The following MYNN variants were observed in gnomAD, a reference collection of about 807,000 sequenced individuals.
MYNN encodes myoneurin, also known as zinc finger and BTB domain-containing protein 31.
Under a neutral mutation model 57.2 loss-of-function variants are expected in MYNN, and 22 were observed. The observed-to-expected ratio is 0.38, with a 90% CI of 0.27 to 0.55. The LOEUF (loss-of-function observed/expected upper bound fraction) is 0.55. Ranked by LOEUF, MYNN falls within the 20% of genes least tolerant of loss-of-function variation. The pLI, the probability that MYNN is intolerant of heterozygous loss-of-function variation, is 0.71. For missense variants in MYNN, 566 were observed against 723.1 expected, an observed-to-expected ratio of 0.78 and a Z score of 2.49; for synonymous variants, 241 against 257.1, an observed-to-expected ratio of 0.94 and a Z score of 0.60.
chr3:169,774,188 T>C, intron 1 of MYNN, 77 bp from the exon 2 acceptor site: 4 of 1,116,744 alleles, frequency 3.6e-6, no homozygotes, highest in Non-Finnish European at 5.2e-6. Context: ...GTTTAAGTTA[T>C]GTCCTCTGTC....
intron 2 of MYNN, among the ~76,000 whole-genome samples, chr3:169,775,423 C>T (rs1778305362): frequency 6.6e-6 from 1 of 152,130 alleles, no homozygotes; most frequent in African/African-American, 2.4e-5. Context: ...TGAAAGTGAA[C>T]ATGAATAGAC....
chr3:169,779,662 G>T (rs1778453145), intron 3 of MYNN, 101 bp downstream of exon 3: 1 of 1,221,384 alleles, frequency 8.2e-7, no homozygotes. Context: ...CCAGAATTTG[G>T]TATATTTTTC....
chr3:169,780,554 ATTTTC>A, intron 3 of MYNN, 31 bp from the exon 4 acceptor site: 3 of 1,504,302 alleles, frequency 2.0e-6, no homozygotes, highest in Non-Finnish European at 2.7e-6. Flanking sequence ...CCAAAACACT[ATTTTC>A]TTCTAAATAT....
Position 169,779,210 on chromosome 3 carries a change from T to C in MYNN, c.709T>C (p.Leu237=), listed in dbSNP as rs751743503. Residue 237 remains leucine, a synonymous_variant, in exon 3 of 8, where the codon TTG becomes CTG. Coordinates refer to ENST00000349841, the MANE Select transcript of MYNN (RefSeq NM_018657.5). The part of the protein sequence containing the change: ...AQINDNSELE[L]TSVVENTFPA... ...AATAAATGATAATTCAGAACTCGAGTTGACATCAGTTGTGGAAAATACTTT... is the reference window on the plus strand; with the variant it reads ...AATAAATGATAATTCAGAACTCGAGCTGACATCAGTTGTGGAAAATACTTT... 9 of 1,614,034 alleles carry C rather than the reference T, an allele frequency of 5.6e-6. No homozygotes were observed. In the African/African-American group the frequency reaches 1.2e-4, roughly 22 times the overall value.
chr3:169,774,347 C>A lies in MYNN; in HGVS notation c.52C>A (p.Arg18=), dbSNP rs1223054406. Residue 18 remains arginine, a synonymous_variant, in exon 2 of 8, where the codon CGG becomes AGG. Coordinates refer to ENST00000349841, the MANE Select transcript of MYNN (RefSeq NM_018657.5). The part of the protein sequence containing the change: ...EHLLERLNKQ[R]EAGFLCDCTI... ...CCTTTTAGAGAGACTGAACAAACAGCGGGAAGCAGGTTTTCTCTGTGACTG... is the reference window on the plus strand; with the variant it reads ...CCTTTTAGAGAGACTGAACAAACAGAGGGAAGCAGGTTTTCTCTGTGACTG... 1.9e-6 allele frequency: 3 copies of A among 1,613,978 alleles called. No individual in the cohort carries two copies. Among genetic ancestry groups the A allele is most frequent in the Non-Finnish European group, 2.5e-6 (3 of 1,179,890 alleles).
In MYNN at chr3:169,774,464, T is replaced by C; in HGVS notation, c.169T>C (p.Ser57Pro). The change falls in exon 2 of 8, where the codon TCT (serine) becomes CCT (proline). Residue 57 changes from serine to proline, a missense_variant. Physicochemically the swap from Ser to Pro is moderately conservative, Grantham distance 74. Coordinates refer to ENST00000349841, the MANE Select transcript of MYNN (RefSeq NM_018657.5). ...TTTTGGTGCGATCTACAGAAGCACT[T>C]CTGAGAACAATGTCTTTCTTGATCA... ...EYFGAIYRSTSENNVFLDQSQ... is the reference protein window; with the variant it reads ...EYFGAIYRSTPENNVFLDQSQ... 6.2e-7 allele frequency: 1 copy of C among 1,614,130 alleles called. No homozygotes were observed. The highest frequency in any genetic ancestry group is 8.5e-7 in the Non-Finnish European group (1 of 1,180,004).
rs1449672613 is a variant in MYNN, at chr3:169,788,042, T to C, written c.*1364T>C. 1 of 152,160 alleles carries C rather than the reference T, an allele frequency of 6.6e-6. No homozygotes were observed. The highest frequency in any genetic ancestry group is 1.9e-4 in the East Asian group (1 of 5,204). 9.4% of individuals were successfully genotyped at this position (152,160 alleles called of 1,614,324 possible). A position where few individuals can be genotyped will look rare whatever the true frequency, so the allele number is the denominator to read the frequency against. On this transcript the variant is annotated 3_prime_UTR_variant, in exon 8 of 8. Transcript: ENST00000349841. Reference sequence around the variant, plus strand: ...CTTATTTCTGCCATGCTGTGGCTTTTTTGTGTTCTGCTTTTAAACTACACC... The same window carrying C: ...CTTATTTCTGCCATGCTGTGGCTTTCTTGTGTTCTGCTTTTAAACTACACC...
intron 5 of MYNN, among the ~76,000 whole-genome samples, chr3:169,783,250 G>A (rs753353011): frequency 6.6e-6 from 1 of 151,976 alleles, no homozygotes; most frequent in Non-Finnish European, 1.5e-5. Flanking sequence ...ATCTCTATTA[G>A]AAGGGACATT....
intron 1 of MYNN, 199 bp from the exon 2 acceptor site, chr3:169,774,066 A>T (rs757948379): frequency 2.1e-6 from 1 of 484,596 alleles, no homozygotes. Context: ...TCACTTATTG[A>T]TGTGTCCAAA....
intron 6 of MYNN, among the ~76,000 whole-genome samples, chr3:169,784,213 T>C (rs1385057500): frequency 6.6e-6 from 1 of 152,030 alleles, no homozygotes; most frequent in Non-Finnish European, 1.5e-5. Context: ...GCTGTCAGTA[T>C]TTTTAAGGAT....
At chr3:169,774,161 T>G (rs1778259025) in intron 1 of MYNN, 104 bp from the exon 2 acceptor site, 1 of 835,390 alleles carries the variant, frequency 1.2e-6, no homozygotes, top group African/African-American at 1.7e-5. Context: ...ATAAGGATTT[T>G]CAAGGGGGCT....
In MYNN at chr3:169,774,474, A is replaced by G. The variant is rs773324179; in HGVS notation, c.179A>G (p.Asn60Ser). The part of the protein sequence containing the change: ...GAIYRSTSEN[N>S]VFLDQSQVKA... ...ATCTACAGAAGCACTTCTGAGAACAATGTCTTTCTTGATCAGAGTCAGGTG... is the reference window on the plus strand; with the variant it reads ...ATCTACAGAAGCACTTCTGAGAACAGTGTCTTTCTTGATCAGAGTCAGGTG... The change falls in exon 2 of 8, where the codon AAT (asparagine) becomes AGT (serine). Residue 60 changes from asparagine (N) to serine (S), a missense_variant. Physicochemically the swap from Asn to Ser is conservative, Grantham distance 46 (BLOSUM62 1). This residue lies in a region of MYNN where 261 missense variants were observed against 280.8 expected (regional missense o/e 0.93). Transcript: ENST00000349841. 6.8e-6 allele frequency: 11 copies of G among 1,613,926 alleles called. No individual in the cohort carries two copies. The highest frequency in any genetic ancestry group is 2.7e-5 in the African/African-American group (2 of 74,918).
chr3:169,784,568 C>A, intron 6 of MYNN, 54 bp from the exon 7 acceptor site: 2 of 1,187,594 alleles, frequency 1.7e-6, no homozygotes, highest in South Asian at 1.4e-5. Context: ...ATATTTTTGT[C>A]TTAGCTAGCA....
At chr3:169,780,818 A>G in intron 4 of MYNN, 69 bp downstream of exon 4, 4 of 1,234,520 alleles carry the variant, frequency 3.2e-6, no homozygotes, top group African/African-American at 1.5e-5. Context: ...ATAGACTATT[A>G]TATTAGAATT....
rs758083346 is a variant in MYNN, at chr3:169,782,484, C to T, written c.1240C>T (p.Pro414Ser). 6.2e-7 allele frequency: 1 copy of T among 1,611,854 alleles called. No individual in the cohort carries two copies. The highest frequency in any genetic ancestry group is 1.1e-5 in the South Asian group (1 of 90,646). ...TAACAGGAAGCATAGTGGAGAGAAG[C>T]CATATGTCTGTGATAGGTGTGGACA... ...IHARKHSGEK[P>S]YVCDRCGQRF... The change falls in exon 5 of 8, where the codon CCA becomes TCA. Residue 414 changes from proline to serine, a missense_variant. Physicochemically the swap from Pro to Ser is moderately conservative, Grantham distance 74. Coordinates refer to ENST00000349841, the MANE Select transcript of MYNN (RefSeq NM_018657.5). The surrounding 1 kb of genome is among the most constrained non-coding windows in gnomAD (Gnocchi z 4.8).
At position 169,788,868 on chromosome 3, in the gene MYNN, T is replaced by C. The variant is rs1778745888; in HGVS notation, c.*2190T>C. ...GCATTCTTCTCTTAATGCTATGCTA[T>C]TATTTATCATAATATGCATATATTT... On this transcript the variant is annotated 3_prime_UTR_variant, in exon 8 of 8. Coordinates refer to ENST00000349841, the MANE Select transcript of MYNN (RefSeq NM_018657.5). 1 of 152,202 alleles carries C rather than the reference T, an allele frequency of 6.6e-6. No homozygotes were observed. The highest frequency in any genetic ancestry group is 1.5e-5 in the Non-Finnish European group (1 of 68,014). The allele number at this position is 152,202 out of a possible 1,614,324, so 9.4% of individuals were successfully genotyped here. A position where few individuals can be genotyped will look rare whatever the true frequency, so the allele number is the denominator to read the frequency against.
intron 3 of MYNN, chr3:169,779,875 AG>A (rs2108203250): frequency 3.2e-6 from 1 of 311,370 alleles, no homozygotes; most frequent in East Asian, 6.1e-5. Flanking sequence ...ATTACAATTC[AG>A]GCCAATTTTC....
Position 169,786,528 on chromosome 3 carries a change from T to G in MYNN, c.1683T>G (p.Thr561=). 6.2e-7 allele frequency: 1 copy of G among 1,613,762 alleles called. No homozygotes were observed. The highest frequency in any genetic ancestry group is 8.5e-7 in the Non-Finnish European group (1 of 1,179,690). ...TGGATGTGAAGCCTTCTGATATGAC[T>G]TTACCATTAGCTCTTCCACTTGGGA... is the stretch of plus-strand genomic sequence containing the variant. The part of the protein sequence containing the change: ...ETMDVKPSDM[T]LPLALPLGTE... The change falls in exon 8 of 8, where the codon ACT becomes ACG. Residue 561 remains threonine (T), a synonymous_variant. Coordinates refer to ENST00000349841, the MANE Select transcript of MYNN (RefSeq NM_018657.5).
At chr3:169,786,389 G>A in intron 7 of MYNN, 27 bp from the exon 8 acceptor site, 1 of 1,593,864 alleles carries the variant, frequency 6.3e-7, no homozygotes, top group Non-Finnish European at 8.6e-7. Context: ...TAAAGATAAT[G>A]TAGATTTTTT....
Sources: gnomAD v4.1 joint callset for allele counts (sites outside exome capture counted in the v4.1 genomes callset) on GRCh38, gnomAD v4.1.1 for gene constraint, gnomAD v4.1.1 regional missense constraint, Gnocchi (gnomAD v3.1) non-coding constraint, MANE v1.5 for transcripts, NCBI Gene and HGNC (gene_info 2026-07-23, HGNC 2026-07-21) for gene names.